The following CACNA2D2 variants were observed in gnomAD, a reference collection of about 807,000 sequenced individuals.
CACNA2D2 encodes the protein calcium voltage-gated channel auxiliary subunit alpha2delta 2, also known as voltage-dependent calcium channel subunit alpha-2/delta-2.
CACNA2D2 carries 48 observed loss-of-function variants against 166.4 expected under a neutral mutation model. That is an observed-to-expected ratio of 0.29 (90% CI 0.23 to 0.37). The LOEUF (loss-of-function observed/expected upper bound fraction) is 0.37. CACNA2D2 is among the 10% of genes least tolerant of loss of function. The probability of loss-of-function intolerance (pLI) is 1.00; values close to 1 mark genes in which losing one functional copy is unlikely to be tolerated. For synonymous variants in CACNA2D2, 561 were observed against 573.7 expected (o/e 0.98, Z 0.32); for missense variants, 1,122 against 1,433.0 (o/e 0.78, Z 3.50).
chr3:50,428,111 G>A lies in CACNA2D2; in HGVS notation c.405+6202C>T, dbSNP rs1707888821. 4.6e-5 allele frequency among the ~76,000 whole-genome samples: 7 copies of A among 152,104 alleles called. No individual in the cohort carries two copies. In the South Asian group the frequency reaches 1.5e-3, roughly 32 times the overall value. ...CCCGTTAGGCCAGTGGTTCTCAACT[G>A]GGGCAACTTTGCCCCCAGGCAACAT... On this transcript the variant is annotated intron_variant, in intron 3 of 37. Coordinates refer to ENST00000424201, the MANE Select transcript of CACNA2D2 (RefSeq NM_006030.4).
At chr3:50,458,863 G>A (rs909621792) in intron 2 of CACNA2D2, among the ~76,000 whole-genome samples, 1 of 152,224 alleles carries the variant, frequency 6.6e-6, no homozygotes, top group African/African-American at 2.4e-5. Context: ...AGAAGACCGG[G>A]AGAACCTTCT....
intron 3 of CACNA2D2, among the ~76,000 whole-genome samples, chr3:50,431,262 A>G (rs1708048779): frequency 6.6e-6 from 1 of 152,152 alleles, no homozygotes; most frequent in South Asian, 2.1e-4. Context: ...AGCACATTTA[A>G]AACATAATTA....
Position 50,381,021 on chromosome 3 carries a change from G to A in CACNA2D2, c.758C>T (p.Ala253Val), listed in dbSNP as rs1478972628. 2.5e-6 allele frequency: 4 copies of A among 1,613,948 alleles called. No homozygotes were observed. The highest frequency in any genetic ancestry group is 3.4e-6 in the Non-Finnish European group (4 of 1,179,876). Residue 253 changes from alanine to valine, a missense_variant, in exon 7 of 38, where the codon GCC (alanine) becomes GTC (valine). Transcript: ENST00000424201. Reference sequence around the variant, plus strand: ...CGGGTAGTAGCGAGTGACTCCTGTGGCGCTGCCGAAGACCTGCCACAGCAG... The same window carrying A: ...CGGGTAGTAGCGAGTGACTCCTGTGACGCTGCCGAAGACCTGCCACAGCAG... ...PTLLWQVFGSATGVTRYYPAT... is the reference protein window; with the variant it reads ...PTLLWQVFGSVTGVTRYYPAT...
rs751708559 is a variant in CACNA2D2, at chr3:50,374,972, C to T, written c.1908-159G>A. ...CGCTTAGCTGCAGGAGGTTCATGGT[C>T]TAGGGGCCGGCACCCTGGAGGCTCT... On this transcript the variant is annotated intron_variant, in intron 21 of 37. Coordinates refer to ENST00000424201, the MANE Select transcript of CACNA2D2 (RefSeq NM_006030.4). 2.0e-5 allele frequency among the ~76,000 whole-genome samples: 3 copies of T among 152,104 alleles called. No individual in the cohort carries two copies. The South Asian group carries it at 6.2e-4, about 31-fold the overall frequency.
chr3:50,379,495 C>A lies in CACNA2D2; in HGVS notation c.1089G>T (p.Met363Ile). 1 of 1,614,006 alleles carries A rather than the reference C, an allele frequency of 6.2e-7. No homozygotes were observed. Residue 363 changes from methionine to isoleucine, a missense_variant, in exon 11 of 38, where the codon ATG (methionine) becomes ATT (isoleucine). Physicochemically the swap from Met to Ile is conservative, Grantham distance 10 (BLOSUM62 1). Transcript: ENST00000424201. This position sits in a 1 kb window ranked among gnomAD's most constrained non-coding sequence, Gnocchi z 6.5. ...TGTAGCCTGTGGTGCCCTTGGCCAC[C>A]ATGCCCTGCACAGCTTCCTTGAACA... ...KKVFKEAVQG[M>I]VAKGTTGYKA...
intron 3 of CACNA2D2, among the ~76,000 whole-genome samples, chr3:50,424,718 A>G (rs999751857): frequency 2.6e-5 from 4 of 152,196 alleles, no homozygotes; most frequent in African/African-American, 4.8e-5. Flanking sequence ...AGTGCTCAGT[A>G]AACAGAAGCT....
At chr3:50,410,639 T>C (rs1431005541) in intron 3 of CACNA2D2, among the ~76,000 whole-genome samples, 1 of 152,034 alleles carries the variant, frequency 6.6e-6, no homozygotes, top group Non-Finnish European at 1.5e-5. Flanking sequence ...CACTCCAGAG[T>C]CCTATGTTGC....
At chr3:50,433,447 A>AT (rs1182734558) in intron 3 of CACNA2D2, among the ~76,000 whole-genome samples, 2 of 152,032 alleles carry the variant, frequency 1.3e-5, no homozygotes, top group African/African-American at 4.8e-5. Context: ...GCAGCCTCGA[A>AT]TTTGAAATCC....
intron 1 of CACNA2D2, among the ~76,000 whole-genome samples, chr3:50,493,741 G>A (rs1437278871): frequency 6.6e-6 from 1 of 152,218 alleles, no homozygotes; most frequent in East Asian, 1.9e-4. Context: ...ACTCCTCAAG[G>A]GCCCCATGAC....
intron 6 of CACNA2D2, among the ~76,000 whole-genome samples, chr3:50,383,264 C>CAGAGGGCCTAGCTGACCCCGAGATGG (rs1705427837): frequency 1.3e-5 from 2 of 152,094 alleles, no homozygotes; most frequent in African/African-American, 2.4e-5. Context: ...TGAGGCTGCC[C>CAGAGGGCCTAGCTGACCCCGAGATGG]AGAGGGCCTA....
At chr3:50,451,101 C>T (rs773054826) in intron 2 of CACNA2D2, among the ~76,000 whole-genome samples, 3 of 152,134 alleles carry the variant, frequency 2.0e-5, no homozygotes, top group Non-Finnish European at 4.4e-5. Flanking sequence ...CTGCCTCTGC[C>T]ATCATCACTT....
intron 1 of CACNA2D2, among the ~76,000 whole-genome samples, chr3:50,483,596 A>T (rs1210589080): frequency 6.6e-6 from 1 of 152,174 alleles, no homozygotes; most frequent in East Asian, 1.9e-4. Context: ...ATTTACTCAT[A>T]GCAGCCTGCT....
chr3:50,381,178 G>T, intron 6 of CACNA2D2, 52 bp from the exon 7 acceptor site: 1 of 1,601,206 alleles, frequency 6.2e-7, no homozygotes, highest in South Asian at 1.1e-5. Flanking sequence ...GTGTCCTGTC[G>T]AACCCACCAC....
intron 2 of CACNA2D2, among the ~76,000 whole-genome samples, chr3:50,470,021 C>A (rs990210748): frequency 6.6e-6 from 1 of 152,236 alleles, no homozygotes; most frequent in Non-Finnish European, 1.5e-5. Flanking sequence ...CTCCCACAGA[C>A]CTGCCCCTCT....
chr3:50,367,970 AC>A lies in CACNA2D2; in HGVS notation c.2144-69del. 8.6e-7 allele frequency: 1 copy of A among 1,168,206 alleles called. No homozygotes were observed. Among genetic ancestry groups the A allele is most frequent in the Non-Finnish European group, 1.2e-6 (1 of 805,392 alleles). 72.4% of individuals were successfully genotyped at this position (1,168,206 alleles called of 1,614,324 possible). A position where few individuals can be genotyped will look rare whatever the true frequency, so the allele number is the denominator to read the frequency against. On this transcript the variant is annotated intron_variant, in intron 24 of 37. Transcript: ENST00000424201. This position sits in a 1 kb window ranked among gnomAD's most constrained non-coding sequence, Gnocchi z 6.5. ...CAGCTCCTTGCCCACCCTCACCCCCACCCTTAAGGCTCCACCAGGAGCCTCC... is the reference window on the plus strand; with the variant it reads ...CAGCTCCTTGCCCACCCTCACCCCCACCTTAAGGCTCCACCAGGAGCCTCC...
rs1027770396 is a variant in CACNA2D2 at position 50,363,573 on chromosome 3, G to A, written c.*1093C>T. The A allele has an allele frequency of 6.6e-6, 2 of 303,456 alleles. No homozygotes were observed. The highest frequency in any genetic ancestry group is 2.1e-5 in the African/African-American group (1 of 46,520). 18.8% of individuals were successfully genotyped at this position (303,456 alleles called of 1,614,324 possible). A position where few individuals can be genotyped will look rare whatever the true frequency, so the allele number is the denominator to read the frequency against. On this transcript the variant is annotated 3_prime_UTR_variant, in exon 38 of 38. Transcript: ENST00000424201. The stretch of plus-strand genomic sequence containing the variant: ...GGGAAGGAGATAGGGAGTGGGCACA[G>A]GCCTGAGTGTGTAAGGGCCAGATTG...
chr3:50,388,389 C>T (rs1487962171), intron 4 of CACNA2D2, among the ~76,000 whole-genome samples: 1 of 152,258 alleles, frequency 6.6e-6, no homozygotes, highest in East Asian at 1.9e-4. Flanking sequence ...ACACTCTGCC[C>T]CCATGGGCTT....
At chr3:50,502,314 G>C (rs1008884639) in intron 1 of CACNA2D2, among the ~76,000 whole-genome samples, 3 of 152,186 alleles carry the variant, frequency 2.0e-5, no homozygotes, top group African/African-American at 7.2e-5. Context: ...TGCCCCAAAG[G>C]GGGTCTGGGC....
chr3:50,476,202 G>A lies in CACNA2D2; in HGVS notation c.207-3C>T. 1.3e-6 allele frequency: 2 copies of A among 1,584,120 alleles called. No individual in the cohort carries two copies. Among genetic ancestry groups the A allele is most frequent in the Non-Finnish European group, 8.6e-7 (1 of 1,166,192 alleles). ...GACGCCGGGCCCAGTGCTGCATCCT[G>A]TATGCAGAGAGAGGAGAGAGGTGTC... On this transcript the variant is annotated splice_polypyrimidine_tract_variant and splice_region_variant and intron_variant, in intron 1 of 37. Coordinates refer to ENST00000424201, the MANE Select transcript of CACNA2D2 (RefSeq NM_006030.4).
Sources: allele counts gnomAD v4.1 joint callset (sites outside exome capture counted in the v4.1 genomes callset), GRCh38; gene constraint gnomAD v4.1.1; non-coding constraint Gnocchi (gnomAD v3.1); transcripts MANE v1.5; gene names NCBI Gene and HGNC (gene_info 2026-07-23, HGNC 2026-07-21).